KMT2C: variants seen among roughly 807,000 people sequenced by gnomAD.
The protein encoded by KMT2C is histone-lysine N-methyltransferase 2C.
KMT2C carries 88 observed loss-of-function variants against 507.9 expected under a neutral mutation model. That is an observed-to-expected ratio of 0.17 (90% CI 0.15 to 0.21). The LOEUF is 0.21. KMT2C is among the 10% of genes least tolerant of loss of function. The probability of loss-of-function intolerance (pLI) is 1.00; values close to 1 mark genes in which losing one functional copy is unlikely to be tolerated. For missense variants in KMT2C, 4,954 were observed against 5,957.8 expected (o/e 0.83, Z 5.55); for synonymous variants, 2,049 against 2,080.8 (o/e 0.98, Z 0.42).
intron 23 of KMT2C, among the ~76,000 whole-genome samples, chr7:152,214,557 C>G (rs1361655022): frequency 7.2e-5 from 11 of 152,124 alleles, no homozygotes; most frequent in Admixed American, 6.5e-4. Flanking sequence ...TTTTCCCCCT[C>G]TTAACCACAG....
intron 14 of KMT2C, among the ~76,000 whole-genome samples, chr7:152,245,568 T>C (rs1209418026): frequency 2.6e-5 from 4 of 152,190 alleles, no homozygotes; most frequent in African/African-American, 9.6e-5. Context: ...TAGACAGCAC[T>C]GGCTTACCGT....
Position 152,248,606 on chromosome 7 carries a change from T to C in KMT2C, c.1828A>G (p.Thr610Ala), listed in dbSNP as rs777184959. The C allele has an allele frequency of 1.9e-6, 3 of 1,604,890 alleles. No individual in the cohort carries two copies. The highest frequency in any genetic ancestry group is 3.4e-5 in the Admixed American group (2 of 59,346). The change falls in exon 14 of 59, where the codon ACA becomes GCA. Residue 610 changes from threonine to alanine, a missense_variant. Thr to Ala is a moderately conservative substitution (Grantham distance 58). Transcript: ENST00000262189. Reference protein sequence around the residue: ...SLLIAVSSQHTVNTELEKQIS... With the variant: ...SLLIAVSSQHAVNTELEKQIS... Reference sequence around the variant, plus strand: ...TGTTTTTCCAATTCAGTATTCACTGTATGTTGGGATGATACTACAAAATTC... The same window carrying C: ...TGTTTTTCCAATTCAGTATTCACTGCATGTTGGGATGATACTACAAAATTC...
chr7:152,187,712 T>C lies in KMT2C; in HGVS notation c.4793+3A>G, dbSNP rs1231583334. ...AAGTTTCCATAGAAAATAAGGCTTG[T>C]ACCTGGCATCAGGATAAGAGGATTG... On this transcript the variant is annotated splice_donor_region_variant and intron_variant, in intron 32 of 58. Transcript: ENST00000262189. The C allele has an allele frequency of 6.2e-7, 1 of 1,612,402 alleles. No homozygotes were observed. The highest frequency in any genetic ancestry group is 1.7e-5 in the Admixed American group (1 of 59,770).
intron 14 of KMT2C, among the ~76,000 whole-genome samples, chr7:152,246,852 C>A (rs2095481920): frequency 6.6e-6 from 1 of 152,110 alleles, no homozygotes; most frequent in Non-Finnish European, 1.5e-5. Flanking sequence ...ACAGCTAAAT[C>A]CCATCTGACA....
At chr7:152,290,278 ATATATATATATATATATTTTTTTTTT>A (rs2096397257) in intron 6 of KMT2C, among the ~76,000 whole-genome samples, 3 of 29,350 alleles carry the variant, frequency 1.0e-4, no homozygotes, top group African/African-American at 4.8e-4. Context: ...ATATATATAT[ATATATATATATATATATTTTTTTTTT>A]TTTTTTTTTT....
In KMT2C at chr7:152,180,020, G is replaced by T. The variant is rs1563275588; in HGVS notation, c.7256C>A (p.Pro2419His). 6.2e-7 allele frequency: 1 copy of T among 1,614,022 alleles called. No individual in the cohort carries two copies. Among genetic ancestry groups the T allele is most frequent in the Non-Finnish European group, 8.5e-7 (1 of 1,180,038 alleles). The change falls in exon 37 of 59, where the codon CCT becomes CAT. Residue 2419 changes from proline to histidine, a missense_variant. Transcript: ENST00000262189. Reference sequence around the variant, plus strand: ...ATTCTCTGGTTGCCAGTGTTGAAGAGGCCCTGGATGAGGCACTGCGGGTGA... The same window carrying T: ...ATTCTCTGGTTGCCAGTGTTGAAGATGCCCTGGATGAGGCACTGCGGGTGA... ...QDSPAVPHPG[P>H]LQHWQPENVN...
intron 9 of KMT2C, among the ~76,000 whole-genome samples, chr7:152,254,699 T>C (rs1390293030): frequency 3.9e-5 from 6 of 152,146 alleles, no homozygotes; most frequent in African/African-American, 1.4e-4. Flanking sequence ...TCCACTACTA[T>C]TTTAACATGG....
At chr7:152,335,783 G>C (rs2129215612) in intron 2 of KMT2C, among the ~76,000 whole-genome samples, 1 of 152,300 alleles carries the variant, frequency 6.6e-6, no homozygotes, top group Non-Finnish European at 1.5e-5. Context: ...TCAAATAAGA[G>C]CCAGAAGGAA....
intron 3 of KMT2C, among the ~76,000 whole-genome samples, chr7:152,324,504 ATG>A (rs1157143935): frequency 6.6e-6 from 1 of 151,952 alleles, no homozygotes; most frequent in Non-Finnish European, 1.5e-5. Context: ...TTTAGATAAA[ATG>A]TATATGTTCT....
At chr7:152,198,909 A>G (rs1193226430) in intron 27 of KMT2C, among the ~76,000 whole-genome samples, 1 of 151,990 alleles carries the variant, frequency 6.6e-6, no homozygotes, top group Non-Finnish European at 1.5e-5. Context: ...AAGTACCCCC[A>G]CATCCATTTC....
rs2129113308 is a variant in KMT2C at position 152,176,591 on chromosome 7, C to T, written c.8862G>A (p.Leu2954=). The stretch of plus-strand genomic sequence containing the variant: ...GGCCAGGCGGTGCTATGAAAGGAGG[C>T]AAACTTGACACATGATTGGATGGGG... ...PASPSNHVSS[L]PPFIAPPGRV... The change falls in exon 38 of 59, where the codon TTG becomes TTA. Residue 2954 remains leucine, a synonymous_variant. Coordinates refer to ENST00000262189, the MANE Select transcript of KMT2C (RefSeq NM_170606.3). 2 of 1,614,102 alleles carry T rather than the reference C, an allele frequency of 1.2e-6. No homozygotes were observed. Among genetic ancestry groups the T allele is most frequent in the Non-Finnish European group, 1.7e-6 (2 of 1,180,020 alleles).
chr7:152,365,896 C>T (rs10244291), intron 1 of KMT2C, among the ~76,000 whole-genome samples: 15,030 of 151,952 alleles, frequency 0.099, 1,727 homozygotes, highest in African/African-American at 0.28. Flanking sequence ...TGAGGTGGGA[C>T]GAACACCTGA....
chr7:152,428,534 G>C (rs1331734499), intron 1 of KMT2C, among the ~76,000 whole-genome samples: 1 of 150,404 alleles, frequency 6.6e-6, no homozygotes, highest in Non-Finnish European at 1.5e-5. Flanking sequence ...AGGAGGCTAA[G>C]GAAGGAGAAT....
In KMT2C at chr7:152,248,408, C is replaced by T; in HGVS notation, c.2026G>A (p.Val676Met). The T allele has an allele frequency of 6.2e-7, 1 of 1,614,078 alleles. No individual in the cohort carries two copies. Among genetic ancestry groups the T allele is most frequent in the South Asian group, 1.1e-5 (1 of 91,068 alleles). The change falls in exon 14 of 59, where the codon GTG (valine) becomes ATG (methionine). Residue 676 changes from valine (V) to methionine (M), a missense_variant. Coordinates refer to ENST00000262189, the MANE Select transcript of KMT2C (RefSeq NM_170606.3). ...QLQLLEEPETVVSREESRPPK... is the reference protein window; with the variant it reads ...QLQLLEEPETMVSREESRPPK... ...GGCCTTGATTCTTCTCTGGATACCACTGTTTCAGGTTCCTCTAACAACTGC... is the reference window on the plus strand; with the variant it reads ...GGCCTTGATTCTTCTCTGGATACCATTGTTTCAGGTTCCTCTAACAACTGC...
At chr7:152,377,713 C>T (rs34824315) in intron 1 of KMT2C, among the ~76,000 whole-genome samples, 7,344 of 137,306 alleles carry the variant, frequency 0.053, 302 homozygotes, top group African/African-American at 0.12. Flanking sequence ...CCAGCCAGGG[C>T]GACAAAGCGA....
intron 43 of KMT2C, among the ~76,000 whole-genome samples, chr7:152,160,488 A>G (rs1319271598): frequency 6.6e-6 from 1 of 152,010 alleles, no homozygotes; most frequent in Non-Finnish European, 1.5e-5. Flanking sequence ...GGATCTTCCT[A>G]AGTCTACATT....
intron 48 of KMT2C, 106 bp downstream of exon 48, chr7:152,153,904 T>G: frequency 8.6e-7 from 1 of 1,159,004 alleles, no homozygotes; most frequent in East Asian, 2.4e-5. Flanking sequence ...CTCTGACCCT[T>G]TATCCTCAGT....
At chr7:152,330,543 C>T (rs2096873066) in intron 3 of KMT2C, 58 bp downstream of exon 3, 1 of 1,524,038 alleles carries the variant, frequency 6.6e-7, no homozygotes, top group African/African-American at 1.4e-5. Context: ...TCTCTATAGT[C>T]ATTTCACTGC....
chr7:152,366,456 C>A (rs908837270), intron 1 of KMT2C, among the ~76,000 whole-genome samples: 41 of 152,142 alleles, frequency 2.7e-4, no homozygotes, highest in Middle Eastern at 3.4e-3. Flanking sequence ...ATAAATGAAC[C>A]TTGACAACAA....
Sources: allele counts gnomAD v4.1 joint callset (sites outside exome capture counted in the v4.1 genomes callset), GRCh38; gene constraint gnomAD v4.1.1; transcripts MANE v1.5; gene names NCBI Gene and HGNC (gene_info 2026-07-23, HGNC 2026-07-21).